The following TDRD12 variants were observed in gnomAD, a reference collection of about 807,000 sequenced individuals.
TDRD12 encodes putative ATP-dependent RNA helicase TDRD12.
TDRD12 carries 158 observed loss-of-function variants against 133.5 expected under a neutral mutation model. The ratio of observed to expected loss-of-function variants is 1.18; its 90% CI spans 1.04 to 1.35. The LOEUF is 1.35. Ranked by LOEUF, TDRD12 falls within the 40% of genes most tolerant of loss-of-function variation. The pLI is 0.00. For missense variants in TDRD12, 1,443 were observed against 1,321.3 expected (o/e 1.09, Z -1.43); for synonymous variants, 460 against 477.9 (o/e 0.96, Z 0.49).
At chr19:32,720,047 C>A in exon 1 of TDRD12, 15 of 1,547,684 alleles carry the variant, frequency 9.7e-6, no homozygotes, top group Non-Finnish European at 1.3e-5. Context: ...GGCGAGGGGG[C>A]CCATCTGCCC....
chr19:32,739,236 G>A (rs1439539738), intron 3 of TDRD12, among the ~76,000 whole-genome samples: 1 of 152,178 alleles, frequency 6.6e-6, no homozygotes, highest in Non-Finnish European at 1.5e-5. Context: ...GTCCTGGCAG[G>A]ACAGGCAGGT....
intron 22 of TDRD12, among the ~76,000 whole-genome samples, 170 bp from the exon 23 acceptor site, chr19:32,809,923 G>A (rs1292278043): frequency 2.6e-5 from 4 of 152,112 alleles, no homozygotes; most frequent in Non-Finnish European, 4.4e-5. Flanking sequence ...ACTGTGTGAG[G>A]TATTGGTTTT....
At chr19:32,811,445 A>G (rs570098960) in intron 24 of TDRD12, 25 bp downstream of exon 24, 514 of 1,516,732 alleles carry the variant, frequency 3.4e-4, no homozygotes, top group South Asian at 1.9e-3. Context: ...CTTTTTATCT[A>G]TTGTTGACTT....
chr19:32,813,259 T>C (rs1046647493), intron 24 of TDRD12, among the ~76,000 whole-genome samples: 1 of 152,232 alleles, frequency 6.6e-6, no homozygotes, highest in African/African-American at 2.4e-5. Context: ...TGTCACTGGC[T>C]GCAAGGCAGC....
intron 19 of TDRD12, among the ~76,000 whole-genome samples, chr19:32,802,301 A>G (rs886505203): frequency 6.7e-6 from 1 of 150,088 alleles, no homozygotes; most frequent in African/African-American, 2.4e-5. Context: ...TCCTCAAGCT[A>G]TATATATATT....
intron 4 of TDRD12, among the ~76,000 whole-genome samples, chr19:32,747,505 T>TA (rs1969687538): frequency 6.6e-6 from 1 of 152,186 alleles, no homozygotes; most frequent in African/African-American, 2.4e-5. Flanking sequence ...CTCTGGTACA[T>TA]AAAATCAGAA....
intron 1 of TDRD12, among the ~76,000 whole-genome samples, chr19:32,722,174 C>A (rs1036621544): frequency 2.6e-5 from 4 of 152,158 alleles, no homozygotes; most frequent in Non-Finnish European, 5.9e-5. Context: ...TCCTCTCCTC[C>A]AGTCAGATGT....
At chr19:32,824,749 G>A (rs990057753), downstream of TDRD12, among the ~76,000 whole-genome samples, 110 of 138,608 alleles carry the variant, frequency 7.9e-4, no homozygotes, top group East Asian at 1.2e-3. Context: ...ACCCCCCGCC[G>A]CCCTTTCTTC....
At chr19:32,756,745 A>G (rs914798383) in intron 7 of TDRD12, among the ~76,000 whole-genome samples, 2 of 152,186 alleles carry the variant, frequency 1.3e-5, no homozygotes, top group Non-Finnish European at 2.9e-5. Flanking sequence ...CAATTTAGAG[A>G]TACTAAGAAA....
At chr19:32,734,484 C>T (rs933920174) in intron 2 of TDRD12, among the ~76,000 whole-genome samples, 1 of 151,750 alleles carries the variant, frequency 6.6e-6, no homozygotes, top group Non-Finnish European at 1.5e-5. Flanking sequence ...AATCCTCCCA[C>T]CTCAGCCTCC....
At chr19:32,810,028 G>A in intron 22 of TDRD12, 65 bp from the exon 23 acceptor site, 2 of 1,027,212 alleles carry the variant, frequency 1.9e-6, no homozygotes, top group Admixed American at 6.1e-5. Flanking sequence ...CAGATACAGG[G>A]AATGTGTACA....
intron 22 of TDRD12, among the ~76,000 whole-genome samples, chr19:32,809,574 C>T (rs1335341221): frequency 6.6e-6 from 1 of 152,222 alleles, no homozygotes; most frequent in Non-Finnish European, 1.5e-5. Context: ...ACACAGGTCC[C>T]CCTGCCTACT....
At chr19:32,827,301 A>AAATGGAT (rs1192763436) in exon 10 of TDRD12, 6 of 1,185,428 alleles carry the variant, frequency 5.1e-6, no homozygotes, top group Non-Finnish European at 6.3e-6. Flanking sequence ...TGTTGAACAA[A>AAATGGAT]AATGGATATT....
intron 11 of TDRD12, among the ~76,000 whole-genome samples, chr19:32,787,065 A>G (rs1970929006): frequency 6.6e-6 from 1 of 152,086 alleles, no homozygotes; most frequent in Admixed American, 6.5e-5. Context: ...TTGTGGTTTT[A>G]TCTACCTTTG....
At position 32,733,015 on chromosome 19, in the gene TDRD12, G is replaced by A. The variant is rs371495790; in HGVS notation, c.183+1132G>A. On this transcript the variant is annotated intron_variant, in intron 2 of 27. Transcript: ENST00000444215. Reference sequence around the variant, plus strand: ...ATAGTAAGACCCTGTCTCTACAAAAGATAAAAAGATTAGTGGGCATGGTAG... The same window carrying A: ...ATAGTAAGACCCTGTCTCTACAAAAAATAAAAAGATTAGTGGGCATGGTAG... 3.5e-3 allele frequency among the ~76,000 whole-genome samples: 535 copies of A among 152,116 alleles called. 2 individuals are homozygous for A. Among genetic ancestry groups the A allele is most frequent in the African/African-American group, 0.013 (522 of 41,498 alleles).
At chr19:32,818,121 A>G (rs1967246578) in exon 27 of TDRD12, 1 of 702,536 alleles carries the variant, frequency 1.4e-6, no homozygotes, top group African/African-American at 1.8e-5. Flanking sequence ...CCTGCTCAAG[A>G]CCAGGATCAT....
At chr19:32,762,442 G>C (rs1388562970) in intron 8 of TDRD12, among the ~76,000 whole-genome samples, 1 of 152,190 alleles carries the variant, frequency 6.6e-6, no homozygotes, top group Non-Finnish European at 1.5e-5. Flanking sequence ...GAGAAGGTTG[G>C]GAGTTTTATT....
At chr19:32,742,961 T>C in intron 4 of TDRD12, 61 bp downstream of exon 4, 2 of 1,538,622 alleles carry the variant, frequency 1.3e-6, no homozygotes, top group Non-Finnish European at 8.8e-7. Context: ...AAGTGCACGA[T>C]CTTTGTATGA....
chr19:32,806,697 G>A (rs1349676089), intron 21 of TDRD12, among the ~76,000 whole-genome samples: 1 of 151,516 alleles, frequency 6.6e-6, no homozygotes, highest in Non-Finnish European at 1.5e-5. Context: ...TTGCTCTGTC[G>A]CCCAGGCTGG....
Sources: allele counts gnomAD v4.1 joint callset (sites outside exome capture counted in the v4.1 genomes callset), GRCh38; gene constraint gnomAD v4.1.1; transcripts MANE v1.5; gene names NCBI Gene and HGNC (gene_info 2026-07-23, HGNC 2026-07-21).